Variants in DNAJC14 observed in about 807,000 individuals in gnomAD.
The protein encoded by DNAJC14 is dnaJ homolog subfamily C member 14.
DNAJC14 carries 12 observed loss-of-function variants against 68.8 expected under a neutral mutation model. That is an observed-to-expected ratio of 0.17 (90% CI 0.11 to 0.28). The LOEUF (loss-of-function observed/expected upper bound fraction) is 0.28. Ranked by LOEUF, DNAJC14 falls within the 10% of genes least tolerant of loss-of-function variation. DNAJC14 has a pLI of 1.00. For synonymous variants in DNAJC14, 350 were observed against 321.5 expected (o/e 1.09, Z -0.95); for missense variants, 764 against 875.6 (o/e 0.87, Z 1.61).
Position 55,822,369 on chromosome 12 carries a change from C to G in DNAJC14, c.1898+4G>C, listed in dbSNP as rs572333357. On this transcript the variant is annotated splice_donor_region_variant and intron_variant, in intron 6 of 6. Transcript: ENST00000678005. Reference sequence around the variant, plus strand: ...GATAGATTATTGACAGAAATACCACCTACCTCTGCCGCCCTCTGGTGCCTG... The same window carrying G: ...GATAGATTATTGACAGAAATACCACGTACCTCTGCCGCCCTCTGGTGCCTG... 1.9e-5 allele frequency: 31 copies of G among 1,611,062 alleles called. No homozygotes were observed. Among genetic ancestry groups the G allele is most frequent in the Non-Finnish European group, 2.3e-5 (27 of 1,179,562 alleles).
intron 2 of DNAJC14, among the ~76,000 whole-genome samples, chr12:55,823,987 T>C (rs193100755): frequency 1.5e-4 from 23 of 151,596 alleles, no homozygotes; most frequent in Admixed American, 9.2e-4. Context: ...TACAGGCGTG[T>C]GCCATCATGA....
At chr12:55,828,941 T>C (rs1880884202) in intron 1 of DNAJC14, among the ~76,000 whole-genome samples, 1 of 152,260 alleles carries the variant, frequency 6.6e-6, no homozygotes, top group Non-Finnish European at 1.5e-5. Flanking sequence ...CCCAGAAAAC[T>C]ATAACCTTCA....
chr12:55,824,113 A>G (rs1382317333), intron 2 of DNAJC14, among the ~76,000 whole-genome samples: 4 of 152,068 alleles, frequency 2.6e-5, no homozygotes, highest in Non-Finnish European at 5.9e-5. Context: ...ATCAGGTACT[A>G]CGGTGGATTC....
chr12:55,822,910 G>A (rs886263325), intron 4 of DNAJC14, among the ~76,000 whole-genome samples, 160 bp downstream of exon 4: 26 of 152,136 alleles, frequency 1.7e-4, no homozygotes, highest in African/African-American at 2.9e-4. Context: ...AATTAAAATC[G>A]TCAGTCTATT....
intron 2 of DNAJC14, among the ~76,000 whole-genome samples, chr12:55,826,840 G>A (rs761600740): frequency 3.0e-4 from 45 of 150,858 alleles, no homozygotes; most frequent in Non-Finnish European, 5.6e-4. Context: ...TCACCTACCC[G>A]TTAACTTTCT....
intron 5 of DNAJC14, 21 bp from the exon 6 acceptor site, chr12:55,822,496 T>C: frequency 6.2e-7 from 1 of 1,613,568 alleles, no homozygotes; most frequent in African/African-American, 1.3e-5. Context: ...GAGAAATAAT[T>C]AGCCAAAACG....
At position 55,828,042 on chromosome 12, in the gene DNAJC14, T is replaced by C. The variant is rs748103809; in HGVS notation, c.617A>G (p.Asp206Gly). 1.1e-5 allele frequency: 17 copies of C among 1,612,870 alleles called. No homozygotes were observed. The East Asian group carries it at 3.8e-4, about 36-fold the overall frequency. ...RQRHRFPTKEDTREGGRRDPR... is the reference protein window; with the variant it reads ...RQRHRFPTKEGTREGGRRDPR... ...ATCCCTACGTCCACCCTCCCGAGTATCCTCCTTCGTTGGAAAGCGGTGCCG... is the reference window on the plus strand; with the variant it reads ...ATCCCTACGTCCACCCTCCCGAGTACCCTCCTTCGTTGGAAAGCGGTGCCG... The change falls in exon 2 of 7, where the codon GAT becomes GGT. Residue 206 changes from aspartate to glycine, a missense_variant. Physicochemically the swap from Asp to Gly is moderately conservative, Grantham distance 94. Transcript: ENST00000678005.
intron 2 of DNAJC14, among the ~76,000 whole-genome samples, chr12:55,827,044 A>G (rs1450700167): frequency 6.6e-6 from 1 of 151,586 alleles, no homozygotes; most frequent in African/African-American, 2.4e-5. Flanking sequence ...AAAAAAAATT[A>G]GCCGGGCATG....
At chr12:55,822,790 C>T in intron 4 of DNAJC14, 58 bp from the exon 5 acceptor site, 2 of 1,586,664 alleles carry the variant, frequency 1.3e-6, no homozygotes, top group Non-Finnish European at 1.7e-6. Flanking sequence ...TAGGGCACTG[C>T]TAGTAGTCTT....
chr12:55,825,151 AAG>A (rs1555175385), intron 2 of DNAJC14, among the ~76,000 whole-genome samples: 189 of 151,506 alleles, frequency 1.2e-3, no homozygotes, highest in African/African-American at 3.7e-3. Context: ...AAAAAAAAAA[AAG>A]AATATACCAA....
rs1194797963 is a variant in DNAJC14 at position 55,821,987 on chromosome 12, A to T, written c.2099T>A (p.Phe700Tyr). ...GAAAGAGAAGGGGCATCAACGTTGGAAGGGCCTCCTCACTTTCTTCCGCCG... is the reference window on the plus strand; with the variant it reads ...GAAAGAGAAGGGGCATCAACGTTGGTAGGGCCTCCTCACTTTCTTCCGCCG... ...PKRRKKVRRP[F>Y]QR is the part of the protein sequence containing the mutation. Residue 700 changes from phenylalanine to tyrosine, a missense_variant, in exon 7 of 7, where the codon TTC becomes TAC. Coordinates refer to ENST00000678005, the MANE Select transcript of DNAJC14 (RefSeq NM_032364.6). 2 of 1,611,608 alleles carry T rather than the reference A, an allele frequency of 1.2e-6. No homozygotes were observed. Among genetic ancestry groups the T allele is most frequent in the Non-Finnish European group, 1.7e-6 (2 of 1,179,056 alleles).
chr12:55,825,332 AG>A, intron 2 of DNAJC14, among the ~76,000 whole-genome samples: 1 of 152,186 alleles, frequency 6.6e-6, no homozygotes, highest in South Asian at 2.1e-4. Context: ...ATGTTTTACC[AG>A]TCCAGCTCCA....
At chr12:55,825,245 T>G (rs913747980) in intron 2 of DNAJC14, among the ~76,000 whole-genome samples, 3 of 152,244 alleles carry the variant, frequency 2.0e-5, no homozygotes, top group African/African-American at 7.2e-5. Context: ...TTACTGTACC[T>G]TTAATCATTA....
rs1286666394 is a variant in DNAJC14, at chr12:55,821,770, T to C, written c.*207A>G. ...TACTCAGGAGGCTGAGATGGGAGAA[T>C]TGCTTGAACCCGGGAGACAGAGGTT... On this transcript the variant is annotated 3_prime_UTR_variant, in exon 7 of 7. Transcript: ENST00000678005. 4 of 396,284 alleles carry C rather than the reference T, an allele frequency of 1.0e-5. No homozygotes were observed. In the South Asian group the frequency reaches 2.0e-4, roughly 20 times the overall value. 24.5% of individuals were successfully genotyped at this position (396,284 alleles called of 1,614,324 possible).
At chr12:55,830,645 T>C (rs958515848), upstream of DNAJC14, 1 of 152,488 alleles carries the variant, frequency 6.6e-6, no homozygotes, top group Non-Finnish European at 1.5e-5. Flanking sequence ...ATCTCCTAAG[T>C]ATTCGGAGAC....
At position 55,821,917 on chromosome 12, in the gene DNAJC14, C is replaced by G; in HGVS notation, c.*60G>C. The G allele has an allele frequency of 6.6e-7, 1 of 1,509,094 alleles. No individual in the cohort carries two copies. Among genetic ancestry groups the G allele is most frequent in the East Asian group, 2.3e-5 (1 of 43,584 alleles). 93.5% of individuals were successfully genotyped at this position (1,509,094 alleles called of 1,614,324 possible). On this transcript the variant is annotated 3_prime_UTR_variant, in exon 7 of 7. Coordinates refer to ENST00000678005, the MANE Select transcript of DNAJC14 (RefSeq NM_032364.6). ...TGGGGGAGGAGGGATAAATCAAACT[C>G]CATCCTGTGCTACAGCCCTTTTGAC...
chr12:55,825,130 CAAAA>C (rs71074860), intron 2 of DNAJC14, among the ~76,000 whole-genome samples: 2 of 65,490 alleles, frequency 3.1e-5, no homozygotes, highest in African/African-American at 6.1e-5. Context: ...GACCCTGTCT[CAAAA>C]AAAAAAAAAA....
Position 55,827,435 on chromosome 12 carries a change from A to G in DNAJC14, c.1224T>C (p.Ile408=). 1 of 1,609,362 alleles carries G rather than the reference A, an allele frequency of 6.2e-7. No homozygotes were observed. The highest frequency in any genetic ancestry group is 1.1e-5 in the South Asian group (1 of 90,650). The part of the protein sequence containing the change: ...WLELPWVKQN[I]NRQGNAPVAS... ...CTACAGGTGCATTCCCCTGCCTATT[A>G]ATATTCTGCTTGACCCAAGGCAACT... The change falls in exon 2 of 7, where the codon ATT becomes ATC. Residue 408 remains isoleucine, a synonymous_variant. Coordinates refer to ENST00000678005, the MANE Select transcript of DNAJC14 (RefSeq NM_032364.6).
chr12:55,823,930 C>T (rs149918474), intron 2 of DNAJC14, among the ~76,000 whole-genome samples: 1,595 of 150,738 alleles, frequency 0.011, 11 homozygotes, highest in Middle Eastern at 0.024. Flanking sequence ...TCTCGAACTC[C>T]TGACCTCAAG....
Sources: gnomAD v4.1 joint callset for allele counts (sites outside exome capture counted in the v4.1 genomes callset) on GRCh38, gnomAD v4.1.1 for gene constraint, MANE v1.5 for transcripts, NCBI Gene and HGNC (gene_info 2026-07-23, HGNC 2026-07-21) for gene names.